TMEM106B: variants seen among roughly 807,000 people sequenced by gnomAD.
The protein encoded by TMEM106B is transmembrane protein 106B.
A neutral mutation model predicts 31.1 loss-of-function variants in TMEM106B; 15 were observed. The observed-to-expected ratio is 0.48, with a 90% CI of 0.32 to 0.74. TMEM106B has a LOEUF of 0.74. Among genes scored for constraint, TMEM106B ranks in the 30% least tolerant of loss-of-function variants. The pLI is 0.03. For synonymous variants in TMEM106B, 126 were observed against 112.5 expected (o/e 1.12, Z -0.76); for missense variants, 283 against 327.3 (o/e 0.86, Z 1.04).
chr7:12,224,050 C>G (rs113047067), intron 3 of TMEM106B, among the ~76,000 whole-genome samples, 176 bp from the exon 4 acceptor site: 3,049 of 152,258 alleles, frequency 0.02, 93 homozygotes, highest in African/African-American at 0.07. Context: ...CATCTTAACA[C>G]TTAATAGACT....
Position 12,232,198 on chromosome 7 carries a change from T to A in TMEM106B, c.*223T>A. 2.9e-6 allele frequency: 1 copy of A among 339,428 alleles called. No homozygotes were observed. 21.0% of individuals were successfully genotyped at this position (339,428 alleles called of 1,614,324 possible). ...TTTTACTTGAATCTAAATTTACTGG[T>A]TGATTTCCTTCTCCAGCCTATCCCC... On this transcript the variant is annotated 3_prime_UTR_variant, in exon 8 of 8. Transcript: ENST00000396668.
chr7:12,211,701 G>A (rs1261604807), intron 1 of TMEM106B, among the ~76,000 whole-genome samples: 3 of 152,232 alleles, frequency 2.0e-5, no homozygotes, highest in African/African-American at 7.2e-5. Context: ...TTTTGCTGTT[G>A]ATGAATGTTC....
At chr7:12,225,856 T>C (rs1378729409) in intron 4 of TMEM106B, among the ~76,000 whole-genome samples, 1 of 152,214 alleles carries the variant, frequency 6.6e-6, no homozygotes, top group Non-Finnish European at 1.5e-5. Flanking sequence ...AGCTTTTTAC[T>C]TTAATTAGAT....
chr7:12,227,494 G>A (rs925314966), intron 4 of TMEM106B, among the ~76,000 whole-genome samples: 1 of 151,934 alleles, frequency 6.6e-6, no homozygotes, highest in East Asian at 1.9e-4. Flanking sequence ...ATATACAAAT[G>A]CACATTTCAA....
intron 3 of TMEM106B, among the ~76,000 whole-genome samples, chr7:12,223,940 C>G (rs1420146792): frequency 6.6e-6 from 1 of 151,952 alleles, no homozygotes; most frequent in East Asian, 1.9e-4. Context: ...AGGCTGGTCT[C>G]GAACTCCTGA....
At chr7:12,230,123 TG>T (rs947706412) in intron 5 of TMEM106B, among the ~76,000 whole-genome samples, 1 of 151,782 alleles carries the variant, frequency 6.6e-6, no homozygotes, top group Non-Finnish European at 1.5e-5. Flanking sequence ...GAGGCTGAGG[TG>T]GGAGGATCAC....
chr7:12,214,642 C>T (rs6959892), intron 1 of TMEM106B, among the ~76,000 whole-genome samples, 167 bp from the exon 2 acceptor site: 4,365 of 152,282 alleles, frequency 0.029, 211 homozygotes, highest in African/African-American at 0.1. Flanking sequence ...GAGACTGTGC[C>T]TCAGGCCTTG....
At chr7:12,213,942 G>T (rs988786299) in intron 1 of TMEM106B, among the ~76,000 whole-genome samples, 4 of 152,064 alleles carry the variant, frequency 2.6e-5, no homozygotes, top group Non-Finnish European at 4.4e-5. Flanking sequence ...ATGCCCCGTT[G>T]TACCTTCCTC....
chr7:12,222,225 C>T (rs1355753748), intron 3 of TMEM106B, among the ~76,000 whole-genome samples: 1 of 152,148 alleles, frequency 6.6e-6, no homozygotes, highest in Non-Finnish European at 1.5e-5. Context: ...ACTTCATTAG[C>T]ACCTTATAAC....
intron 1 of TMEM106B, among the ~76,000 whole-genome samples, chr7:12,213,601 A>C (rs1781624315): frequency 6.6e-6 from 1 of 152,212 alleles, no homozygotes. Context: ...CTGCAGGTGT[A>C]GACTTTTGTC....
chr7:12,237,173 A>G lies in TMEM106B; in HGVS notation c.*5198A>G, dbSNP rs1271611837. The G allele has an allele frequency of 6.6e-6, 1 of 152,044 alleles. No homozygotes were observed. The highest frequency in any genetic ancestry group is 2.4e-5 in the African/African-American group (1 of 41,430). The allele number at this position is 152,044 out of a possible 1,614,324, so 9.4% of individuals were successfully genotyped here. A position where few individuals can be genotyped will look rare whatever the true frequency, so the allele number is the denominator to read the frequency against. ...CCCCAAAATGCTATTTTTTTAATTC[A>G]GTTATAACTGTTACTCTTGTAGTTG... On this transcript the variant is annotated 3_prime_UTR_variant, in exon 8 of 8. Coordinates refer to ENST00000396668, the MANE Select transcript of TMEM106B (RefSeq NM_001134232.2).
chr7:12,238,991 C>T lies in TMEM106B; in HGVS notation c.*7016C>T, dbSNP rs1431358324. 1 of 152,078 alleles carries T rather than the reference C, an allele frequency of 6.6e-6. No homozygotes were observed. Among genetic ancestry groups the T allele is most frequent in the African/African-American group, 2.4e-5 (1 of 41,422 alleles). 9.4% of individuals were successfully genotyped at this position (152,078 alleles called of 1,614,324 possible). On this transcript the variant is annotated 3_prime_UTR_variant, in exon 8 of 8. Coordinates refer to ENST00000396668, the MANE Select transcript of TMEM106B (RefSeq NM_001134232.2). ...AGCCTGTCCTTTAAAGCTTTAAAGGCAAGCATTGACTTCTCTTTAGCTATG... is the reference window on the plus strand; with the variant it reads ...AGCCTGTCCTTTAAAGCTTTAAAGGTAAGCATTGACTTCTCTTTAGCTATG...
chr7:12,214,276 T>C (rs1186539460), intron 1 of TMEM106B: 2 of 152,402 alleles, frequency 1.3e-5, no homozygotes, highest in Non-Finnish European at 2.9e-5. Context: ...ATTTACAAAC[T>C]ATTCTCTCTG....
rs1381293870 is a variant in TMEM106B at position 12,239,181 on chromosome 7, A to G, written c.*7206A>G. 1 of 152,162 alleles carries G rather than the reference A, an allele frequency of 6.6e-6. No individual in the cohort carries two copies. The highest frequency in any genetic ancestry group is 1.5e-5 in the Non-Finnish European group (1 of 68,018). The allele number at this position is 152,162 out of a possible 1,614,324, so 9.4% of individuals were successfully genotyped here. ...CTGCTTCACCTTGCACTTTTATATT[A>G]TGGAAACAACTTATCTCCTTAAACA... On this transcript the variant is annotated 3_prime_UTR_variant, in exon 8 of 8. Transcript: ENST00000396668.
Position 12,233,837 on chromosome 7 carries a change from A to G in TMEM106B, c.*1862A>G, listed in dbSNP as rs934166966. The G allele has an allele frequency of 6.6e-6, 1 of 151,460 alleles. No homozygotes were observed. 9.4% of individuals were successfully genotyped at this position (151,460 alleles called of 1,614,324 possible). A position where few individuals can be genotyped will look rare whatever the true frequency, so the allele number is the denominator to read the frequency against. ...ATGATATAGGTCCCCTTTTGTCTCA[A>G]AATTTTTAATTATGTGACTTCAAAA... is the stretch of plus-strand genomic sequence containing the variant. On this transcript the variant is annotated 3_prime_UTR_variant, in exon 8 of 8. Coordinates refer to ENST00000396668, the MANE Select transcript of TMEM106B (RefSeq NM_001134232.2).
At chr7:12,224,129 C>A in intron 3 of TMEM106B, 97 bp from the exon 4 acceptor site, 3 of 1,117,216 alleles carry the variant, frequency 2.7e-6, no homozygotes, top group Admixed American at 2.0e-5. Context: ...ATATATGTTG[C>A]TGCTGATATA....
At position 12,238,821 on chromosome 7, in the gene TMEM106B, C is replaced by T. The variant is rs1176591939; in HGVS notation, c.*6846C>T. 6.6e-6 allele frequency: 1 copy of T among 152,030 alleles called. No individual in the cohort carries two copies. Among genetic ancestry groups the T allele is most frequent in the Non-Finnish European group, 1.5e-5 (1 of 68,002 alleles). The allele number at this position is 152,030 out of a possible 1,614,324, so 9.4% of individuals were successfully genotyped here. A position where few individuals can be genotyped will look rare whatever the true frequency, so the allele number is the denominator to read the frequency against. ...AATATTCAGTGAACCGTGTTGTAAA[C>T]AGATGTCATATTATCCAGACTGTTC... On this transcript the variant is annotated 3_prime_UTR_variant, in exon 8 of 8. Transcript: ENST00000396668.
At chr7:12,230,575 T>C (rs1049462662) in intron 6 of TMEM106B, 137 bp downstream of exon 6, 5 of 553,862 alleles carry the variant, frequency 9.0e-6, no homozygotes, top group African/African-American at 3.9e-5. Context: ...CTTCTGGTCC[T>C]CTCTGTTCCT....
chr7:12,233,421 GC>G lies in TMEM106B; in HGVS notation c.*1448del, dbSNP rs1187854154. ...AAGTGCCTAACTTAGGTCTGAAACA[GC>G]CTGTTTATTAGTCTGACTCTCTCAA... is the stretch of plus-strand genomic sequence containing the variant. On this transcript the variant is annotated 3_prime_UTR_variant, in exon 8 of 8. Coordinates refer to ENST00000396668, the MANE Select transcript of TMEM106B (RefSeq NM_001134232.2). 4 of 151,418 alleles carry G rather than the reference GC, an allele frequency of 2.6e-5. No individual in the cohort carries two copies. The highest frequency in any genetic ancestry group is 9.7e-5 in the African/African-American group (4 of 41,350). 9.4% of individuals were successfully genotyped at this position (151,418 alleles called of 1,614,324 possible).
Sources: allele counts gnomAD v4.1 joint callset (sites outside exome capture counted in the v4.1 genomes callset), GRCh38; gene constraint gnomAD v4.1.1; transcripts MANE v1.5; gene names NCBI Gene and HGNC (gene_info 2026-07-23, HGNC 2026-07-21).